NTM: variants seen among roughly 807,000 people sequenced by gnomAD.
NTM encodes the protein IgLON family member 2.
A neutral mutation model predicts 42.1 loss-of-function variants in NTM; 13 were observed. That is an observed-to-expected ratio of 0.31 (90% confidence interval 0.20 to 0.49). The LOEUF is 0.49. Among genes scored for constraint, NTM ranks in the 20% least tolerant of loss-of-function variants. The pLI is 0.99. For missense variants in NTM, 373 were observed against 452.8 expected (o/e 0.82, Z 1.60); for synonymous variants, 187 against 179.2 (o/e 1.04, Z -0.35).
At chr11:131,563,752 T>C (rs2056529245) in intron 1 of NTM, among the ~76,000 whole-genome samples, 1 of 152,142 alleles carries the variant, frequency 6.6e-6, no homozygotes, top group East Asian at 1.9e-4. Flanking sequence ...CCTAAGACAA[T>C]GGCCTGTGCT....
chr11:132,114,248 A>G (rs9667087), intron 2 of NTM, among the ~76,000 whole-genome samples: 45,599 of 152,160 alleles, frequency 0.3, 6,998 homozygotes, highest in African/African-American at 0.33. Context: ...CAAGGCATGT[A>G]TCAAGGCAGT....
At chr11:131,869,496 T>C (rs2047562868) in intron 1 of NTM, among the ~76,000 whole-genome samples, 1 of 152,218 alleles carries the variant, frequency 6.6e-6, no homozygotes, top group Non-Finnish European at 1.5e-5. Flanking sequence ...CCCGAGAAAT[T>C]GGCTCATCCT....
At position 131,961,597 on chromosome 11, in the gene NTM, G is replaced by T. The variant is rs1218533100; in HGVS notation, c.167+49949G>T. Among the ~76,000 whole-genome samples, 4 of 152,172 alleles carry T rather than the reference G, an allele frequency of 2.6e-5. No individual in the cohort carries two copies. In the East Asian group the frequency reaches 7.7e-4, roughly 29 times the overall value. On this transcript the variant is annotated intron_variant, in intron 2 of 8. Coordinates refer to ENST00000683400, the MANE Select transcript of NTM (RefSeq NM_001352005.2). ...TGCTAGACTGAAGATACTCTGGAAG[G>T]CCTAGCACATGACACAAGTTGGTCT... is the stretch of plus-strand genomic sequence containing the variant.
At chr11:132,144,858 C>A (rs778229833) in intron 2 of NTM, among the ~76,000 whole-genome samples, 1 of 152,166 alleles carries the variant, frequency 6.6e-6, no homozygotes, top group Non-Finnish European at 1.5e-5. Flanking sequence ...TCTTTTTGGG[C>A]AGTATTTCCC....
intron 1 of NTM, among the ~76,000 whole-genome samples, chr11:131,890,114 A>C (rs370541475): frequency 5.3e-5 from 8 of 151,688 alleles, no homozygotes; most frequent in African/African-American, 1.9e-4. Flanking sequence ...AAATATGCAC[A>C]GCACACACAG....
chr11:131,751,351 G>A (rs2082492951), intron 1 of NTM, among the ~76,000 whole-genome samples: 1 of 151,978 alleles, frequency 6.6e-6, no homozygotes, highest in South Asian at 2.1e-4. Flanking sequence ...AGCACTTCGG[G>A]AGGCTGAGGT....
chr11:131,733,388 C>A (rs886184013), intron 1 of NTM, among the ~76,000 whole-genome samples: 8 of 151,984 alleles, frequency 5.3e-5, no homozygotes, highest in African/African-American at 1.9e-4. Context: ...TGGATTTTCC[C>A]CCATTTAACA....
chr11:131,993,717 G>T (rs796285255), intron 2 of NTM, among the ~76,000 whole-genome samples: 5 of 152,216 alleles, frequency 3.3e-5, no homozygotes, highest in African/African-American at 1.2e-4. Flanking sequence ...ATAAAGGAGA[G>T]ACAGGCTGAG....
At chr11:131,994,598 GT>G (rs570358727) in intron 2 of NTM, among the ~76,000 whole-genome samples, 1 of 152,086 alleles carries the variant, frequency 6.6e-6, no homozygotes, top group Admixed American at 6.5e-5. Context: ...CTTCTTGTCT[GT>G]TTTTTTATAT....
intron 1 of NTM, among the ~76,000 whole-genome samples, chr11:131,873,388 C>A (rs925189740): frequency 6.6e-6 from 1 of 151,214 alleles, no homozygotes; most frequent in Non-Finnish European, 1.5e-5. Flanking sequence ...GGAGATACAG[C>A]GTTAGGAGAA....
intron 1 of NTM, among the ~76,000 whole-genome samples, chr11:131,860,108 G>A (rs141834847): frequency 0.011 from 1,675 of 152,248 alleles, 27 homozygotes; most frequent in African/African-American, 0.036. Context: ...TACAGCCTCC[G>A]TCAATGTCAA....
chr11:131,400,024 G>A (rs1237296876), intron 1 of NTM, among the ~76,000 whole-genome samples: 5 of 152,248 alleles, frequency 3.3e-5, no homozygotes, highest in African/African-American at 7.2e-5. Flanking sequence ...TTTATGCTAT[G>A]TATGGGGCCT....
rs551867154 is a variant in NTM, at chr11:131,371,535, C to G, written c.82+647C>G. Reference sequence around the variant, plus strand: ...GGCTCTGAAATTCTAAAAAGCTTTTCGAAGTTGAAGGGAGAGAGGCAATAA... The same window carrying G: ...GGCTCTGAAATTCTAAAAAGCTTTTGGAAGTTGAAGGGAGAGAGGCAATAA... On this transcript the variant is annotated intron_variant, in intron 1 of 8. Transcript: ENST00000683400. Among the ~76,000 whole-genome samples the G allele has an allele frequency of 1.1e-3, 167 of 152,182 alleles. 1 individual carries two copies. In the Middle Eastern group the frequency reaches 0.017, roughly 15 times the overall value.
chr11:131,940,401 A>C (rs1335072207), intron 2 of NTM, among the ~76,000 whole-genome samples: 1 of 152,242 alleles, frequency 6.6e-6, no homozygotes, highest in Non-Finnish European at 1.5e-5. Flanking sequence ...GTGGGTATAC[A>C]TTGTGAGATA....
chr11:131,699,910 GT>G (rs1169107365), intron 1 of NTM, among the ~76,000 whole-genome samples: 16 of 5,504 alleles, frequency 2.9e-3, no homozygotes, highest in Admixed American at 7.8e-3. Context: ...AAAGCAGCAG[GT>G]GTGTGTGTGT....
intron 1 of NTM, among the ~76,000 whole-genome samples, chr11:131,868,574 G>C (rs989374160): frequency 2.0e-5 from 3 of 152,180 alleles, no homozygotes; most frequent in Non-Finnish European, 4.4e-5. Context: ...CACCTTTCCA[G>C]CCTCACACTG....
At chr11:131,451,518 A>G (rs1055805750) in intron 1 of NTM, among the ~76,000 whole-genome samples, 1 of 152,140 alleles carries the variant, frequency 6.6e-6, no homozygotes, top group African/African-American at 2.4e-5. Context: ...GGTCCCATGC[A>G]GGAACTGCTG....
intron 4 of NTM, among the ~76,000 whole-genome samples, chr11:132,260,810 C>A (rs146267325): frequency 1.3e-5 from 2 of 152,194 alleles, no homozygotes; most frequent in Non-Finnish European, 2.9e-5. Context: ...TAGAACACCA[C>A]GGAACCTTCT....
chr11:132,178,969 T>A (rs553413685), intron 3 of NTM, among the ~76,000 whole-genome samples: 29 of 152,356 alleles, frequency 1.9e-4, no homozygotes, highest in African/African-American at 7.0e-4. Flanking sequence ...ATTACATTAA[T>A]TAAGTAAGCG....
Sources: allele counts gnomAD v4.1 joint callset (sites outside exome capture counted in the v4.1 genomes callset), GRCh38; gene constraint gnomAD v4.1.1; transcripts MANE v1.5; gene names NCBI Gene and HGNC (gene_info 2026-07-23, HGNC 2026-07-21).